Variants in UBAP2 observed in about 807,000 individuals in gnomAD.
The protein encoded by UBAP2 is ubiquitin associated protein 2.
In UBAP2, 75 loss-of-function variants were observed where a neutral mutation model predicts 139.6. The ratio of observed to expected loss-of-function variants is 0.54; its 90% CI spans 0.45 to 0.65. UBAP2 has a LOEUF of 0.65. UBAP2 is among the 30% of genes least tolerant of loss of function. The pLI is 0.00. For missense variants in UBAP2, 1,368 were observed against 1,369.6 expected (o/e 1.00, Z 0.02); for synonymous variants, 526 against 526.2 (o/e 1.00, Z 0.01).
At chr9:34,031,751 C>T (rs1407305900) in intron 1 of UBAP2, among the ~76,000 whole-genome samples, 1 of 150,814 alleles carries the variant, frequency 6.6e-6, no homozygotes, top group African/African-American at 2.4e-5. Context: ...CACCACTGCA[C>T]TCTGGCCTGG....
At chr9:34,007,273 C>T (rs1173874685) in intron 2 of UBAP2, among the ~76,000 whole-genome samples, 1 of 152,032 alleles carries the variant, frequency 6.6e-6, no homozygotes, top group African/African-American at 2.4e-5. Flanking sequence ...GAAGGTGGAT[C>T]CCTTGAGCCT....
At chr9:33,933,969 C>A in intron 17 of UBAP2, 1 of 212,626 alleles carries the variant, frequency 4.7e-6, no homozygotes, top group Non-Finnish European at 9.8e-6. Context: ...GGTGCTGAGC[C>A]TAATATGTAG....
chr9:34,014,773 C>CAAAA (rs11465085), intron 2 of UBAP2, among the ~76,000 whole-genome samples: 1 of 126,222 alleles, frequency 7.9e-6, no homozygotes, highest in Non-Finnish European at 1.6e-5. Flanking sequence ...GACTCCGTCT[C>CAAAA]AAAAAAAAAA....
intron 3 of UBAP2, 159 bp from the exon 4 acceptor site, chr9:33,996,492 T>C: frequency 1.8e-6 from 1 of 566,494 alleles, no homozygotes; most frequent in Non-Finnish European, 3.1e-6. Flanking sequence ...CTTATTTTTT[T>C]GTGGCCATTC....
At chr9:33,998,697 C>A in intron 3 of UBAP2, 90 bp downstream of exon 3, 27 of 1,288,632 alleles carry the variant, frequency 2.1e-5, no homozygotes, top group Non-Finnish European at 2.7e-5. Context: ...AGAAGTAATA[C>A]TTTAAAACAA....
intron 5 of UBAP2, among the ~76,000 whole-genome samples, chr9:33,988,175 CTTTA>C (rs1476134517): frequency 6.6e-6 from 1 of 151,878 alleles, no homozygotes; most frequent in Non-Finnish European, 1.5e-5. Flanking sequence ...ATTTTATTTT[CTTTA>C]TTGTTACATC....
chr9:34,016,043 A>G (rs1824226970), intron 2 of UBAP2, among the ~76,000 whole-genome samples: 2 of 152,074 alleles, frequency 1.3e-5, no homozygotes. Flanking sequence ...TCTACCTTGG[A>G]TTTTCATATT....
chr9:34,033,567 C>T (rs62558832), intron 1 of UBAP2, among the ~76,000 whole-genome samples: 7,783 of 151,672 alleles, frequency 0.051, 284 homozygotes, highest in Middle Eastern at 0.099. Context: ...TAGTCAATAA[C>T]TTAATTGTAT....
intron 1 of UBAP2, among the ~76,000 whole-genome samples, chr9:34,030,479 C>G (rs113689970): frequency 6.6e-5 from 10 of 151,610 alleles, no homozygotes; most frequent in African/African-American, 2.4e-4. Flanking sequence ...AAAAACTGGC[C>G]CGGTATGACA....
chr9:33,952,032 T>A (rs1271144125), intron 12 of UBAP2, among the ~76,000 whole-genome samples: 1 of 152,168 alleles, frequency 6.6e-6, no homozygotes, highest in East Asian at 1.9e-4. Flanking sequence ...GCCCAACACA[T>A]GATATGGCTA....
At chr9:33,981,220 A>T (rs760281900) in intron 6 of UBAP2, among the ~76,000 whole-genome samples, 2 of 66,042 alleles carry the variant, frequency 3.0e-5, no homozygotes, top group Non-Finnish European at 5.9e-5. Flanking sequence ...ATATATATAT[A>T]TTCTGGATAT....
At chr9:34,040,243 A>G (rs1295089135) in intron 1 of UBAP2, among the ~76,000 whole-genome samples, 2 of 146,750 alleles carry the variant, frequency 1.4e-5, no homozygotes, top group Non-Finnish European at 3.0e-5. Flanking sequence ...AGAATCCCTT[A>G]AACTCGGGAG....
At chr9:33,989,159 A>C (rs1038754940) in intron 4 of UBAP2, 33 bp from the exon 5 acceptor site, 38 of 1,569,238 alleles carry the variant, frequency 2.4e-5, no homozygotes, top group Non-Finnish European at 3.3e-5. Context: ...ATCATTTATC[A>C]TTCAAAGTGT....
At chr9:34,043,822 T>C (rs1587709647) in intron 1 of UBAP2, among the ~76,000 whole-genome samples, 2 of 67,382 alleles carry the variant, frequency 3.0e-5, no homozygotes, top group Non-Finnish European at 3.0e-5. Context: ...AAACATATAC[T>C]CCATGTTTCA....
intron 10 of UBAP2, 76 bp downstream of exon 10, chr9:33,960,750 A>T: frequency 6.8e-7 from 1 of 1,468,782 alleles, no homozygotes; most frequent in East Asian, 2.3e-5. Flanking sequence ...ATTGCATTCC[A>T]GCCTGGGCAA....
chr9:34,002,418 G>A (rs1320664327), intron 2 of UBAP2, among the ~76,000 whole-genome samples: 3 of 132,712 alleles, frequency 2.3e-5, no homozygotes, highest in East Asian at 2.2e-4. Flanking sequence ...TCGCTCTGTC[G>A]CCCAGGCTGG....
At chr9:34,028,468 C>T (rs533718263) in intron 1 of UBAP2, among the ~76,000 whole-genome samples, 1 of 152,040 alleles carries the variant, frequency 6.6e-6, no homozygotes, top group East Asian at 1.9e-4. Context: ...CAACCTCTGC[C>T]TCTTGGGTTC....
chr9:34,019,410 T>A (rs544705455), intron 1 of UBAP2, among the ~76,000 whole-genome samples: 16 of 149,726 alleles, frequency 1.1e-4, no homozygotes, highest in Admixed American at 3.3e-4. Flanking sequence ...GGGCAAGGGG[T>A]AAAAAAAAAC....
At chr9:33,999,268 G>A (rs1215662330) in intron 2 of UBAP2, among the ~76,000 whole-genome samples, 2 of 150,628 alleles carry the variant, frequency 1.3e-5, no homozygotes, top group African/African-American at 2.4e-5. Flanking sequence ...CCAGGAGTTC[G>A]AAATTAGCCT....
Sources: gnomAD v4.1 joint callset for allele counts (sites outside exome capture counted in the v4.1 genomes callset) on GRCh38, gnomAD v4.1.1 for gene constraint, MANE v1.5 for transcripts, NCBI Gene and HGNC (gene_info 2026-07-23, HGNC 2026-07-21) for gene names.